Variants in DCHS1 observed in about 807,000 individuals in gnomAD.
The protein encoded by DCHS1 is protocadherin-16.
Under a neutral mutation model 213.9 loss-of-function variants are expected in DCHS1, and 78 were observed. The observed-to-expected ratio is 0.36, with a 90% CI of 0.30 to 0.44. The LOEUF (loss-of-function observed/expected upper bound fraction) is 0.44. Ranked by LOEUF, DCHS1 falls within the 20% of genes least tolerant of loss-of-function variation. The pLI is 1.00. For synonymous variants in DCHS1, 1,828 were observed against 1,873.7 expected (o/e 0.98, Z 0.63); for missense variants, 3,946 against 4,395.9 (o/e 0.90, Z 2.89).
Position 6,625,899 on chromosome 11 carries a change from G to A in DCHS1, c.6731+21C>T. 6.2e-7 allele frequency: 1 copy of A among 1,610,588 alleles called. No individual in the cohort carries two copies. The highest frequency in any genetic ancestry group is 8.5e-7 in the Non-Finnish European group (1 of 1,178,502). On this transcript the variant is annotated intron_variant, in intron 17 of 20. Coordinates refer to ENST00000299441, the MANE Select transcript of DCHS1 (RefSeq NM_003737.4). The surrounding 1 kb of genome is among the most constrained non-coding windows in gnomAD (Gnocchi z 5.3). The stretch of plus-strand genomic sequence containing the variant: ...GGACAGGCCCAAGATGGGGTCTTGG[G>A]TCCACAGGGCCAGGCCTCACCGTGT...
chr11:6,652,703 C>T (rs1856261951), intron 1 of DCHS1, among the ~76,000 whole-genome samples: 3 of 152,150 alleles, frequency 2.0e-5, no homozygotes, highest in Admixed American at 2.0e-4. Context: ...GAAGAGGATG[C>T]AGATAAAATT....
chr11:6,627,547 C>T lies in DCHS1; in HGVS notation c.5492G>A (p.Gly1831Asp), dbSNP rs1224065624. ...CAGCGTGGCACTGAGAGCTGGCTGG[C>T]CTCCATCCCGGGCCTCTATCCTCAG... The part of the protein sequence containing the change: ...FQLRIEARDG[G>D]QPALSATLLL... Residue 1831 changes from glycine (G) to aspartate (D), a missense_variant, in exon 14 of 21, where the codon GGC becomes GAC. By Grantham distance (94) the Gly-to-Asp change is moderately conservative. Coordinates refer to ENST00000299441, the MANE Select transcript of DCHS1 (RefSeq NM_003737.4). The surrounding 1 kb of genome is among the most constrained non-coding windows in gnomAD (Gnocchi z 5.4). The T allele has an allele frequency of 6.2e-7, 1 of 1,612,666 alleles. No individual in the cohort carries two copies. The highest frequency in any genetic ancestry group is 8.5e-7 in the Non-Finnish European group (1 of 1,179,578).
chr11:6,624,403 C>G lies in DCHS1; in HGVS notation c.7286-13G>C, dbSNP rs763897571. On this transcript the variant is annotated splice_polypyrimidine_tract_variant and intron_variant, in intron 20 of 20. Transcript: ENST00000299441. The stretch of plus-strand genomic sequence containing the variant: ...GTGAACAGGGTCCCTGAGATGAGAA[C>G]GGAAGGGAAAGAAATATATTCAGCA... 1 of 1,534,756 alleles carries G rather than the reference C, an allele frequency of 6.5e-7. No individual in the cohort carries two copies. Among genetic ancestry groups the G allele is most frequent in the Admixed American group, 2.0e-5 (1 of 50,904 alleles).
In DCHS1 at chr11:6,621,817, C is replaced by T; in HGVS notation, c.9859G>A (p.Gly3287Ser). The change falls in exon 21 of 21, where the codon GGC (glycine) becomes AGC (serine). Residue 3287 changes from glycine to serine, a missense_variant. Transcript: ENST00000299441. ...PSASALSAES[G>S]LEPPDDTELH... ...TCCGTGTCATCAGGTGGCTCCAGGC[C>T]AGACTCTGCGCTGAGTGCTGAGGCT... is the stretch of plus-strand genomic sequence containing the variant. The T allele has an allele frequency of 6.2e-7, 1 of 1,605,100 alleles. No homozygotes were observed. The highest frequency in any genetic ancestry group is 8.5e-7 in the Non-Finnish European group (1 of 1,176,216).
rs1207363781 is a variant in DCHS1 at position 6,640,899 on chromosome 11, C to T, written c.715G>A (p.Ala239Thr). The T allele has an allele frequency of 8.1e-6, 13 of 1,614,062 alleles. No homozygotes were observed. Among genetic ancestry groups the T allele is most frequent in the Non-Finnish European group, 1.1e-5 (13 of 1,179,894 alleles). The change falls in exon 2 of 21, where the codon GCC becomes ACC. Residue 239 changes from alanine to threonine, a missense_variant. Ala to Thr is a moderately conservative substitution (Grantham distance 58, BLOSUM62 0). Transcript: ENST00000299441. The surrounding 1 kb of genome is among the most constrained non-coding windows in gnomAD (Gnocchi z 6.5). ...DGGSPPRRAQ[A>T]LLDVTLLDIN... ...TCCAGCAGTGTCACGTCCAGCAGGG[C>T]CTGGGCCCTCCGGGGGGGTGAACCA... is the stretch of plus-strand genomic sequence containing the variant.
intron 1 of DCHS1, among the ~76,000 whole-genome samples, chr11:6,646,445 C>A (rs1418708125): frequency 2.6e-5 from 4 of 152,200 alleles, no homozygotes; most frequent in Non-Finnish European, 4.4e-5. Context: ...CCAAGTCCGT[C>A]CAGTGTTTCT....
chr11:6,640,412 A>C lies in DCHS1; in HGVS notation c.1202T>G (p.Val401Gly). ...SDPDDGDFAH[V>G]NVSLEGGEGH... is the part of the protein sequence containing the mutation. ...CTCTCCACCTTCCAGGGACACATTG[A>C]CATGGGCAAAGTCACCATCATCTGG... Residue 401 changes from valine (V) to glycine (G), a missense_variant, in exon 2 of 21, where the codon GTC (valine) becomes GGC (glycine). Around this residue, in one of 3 missense-constraint regions of DCHS1, gnomAD observed 3,384 missense variants for 3,780.1 expected, o/e 0.90. Transcript: ENST00000299441. The surrounding 1 kb of genome is among the most constrained non-coding windows in gnomAD (Gnocchi z 6.5). The C allele has an allele frequency of 1.9e-6, 3 of 1,613,958 alleles. No individual in the cohort carries two copies. Among genetic ancestry groups the C allele is most frequent in the Non-Finnish European group, 2.5e-6 (3 of 1,179,890 alleles).
intron 1 of DCHS1, among the ~76,000 whole-genome samples, chr11:6,653,532 T>C (rs1246395082): frequency 6.6e-6 from 1 of 152,204 alleles, no homozygotes; most frequent in Non-Finnish European, 1.5e-5. Context: ...TTTGATTAAT[T>C]AATCTACTGA....
At chr11:6,624,938 G>C in intron 19 of DCHS1, 70 bp from the exon 20 acceptor site, 2 of 1,591,666 alleles carry the variant, frequency 1.3e-6, no homozygotes, top group Non-Finnish European at 1.7e-6. Flanking sequence ...GCCTGTTCTG[G>C]AGCTTGGTTC....
Position 6,626,007 on chromosome 11 carries a change from G to A in DCHS1, c.6644C>T (p.Pro2215Leu), listed in dbSNP as rs201703764. The A allele has an allele frequency of 4.8e-5, 77 of 1,612,844 alleles. No individual in the cohort carries two copies. In the East Asian group the frequency reaches 9.8e-4, roughly 21 times the overall value. The part of the protein sequence containing the change: ...QISYSLAASQ[P>L]ARGLFHVDPT... ...GTCTACGTGGAACAATCCACGTGCC[G>A]GCTGGGATGCAGCCAGACTGTAGGA... Residue 2215 changes from proline to leucine, a missense_variant, in exon 17 of 21, where the codon CCG becomes CTG. By Grantham distance (98) the Pro-to-Leu change is moderately conservative (BLOSUM62 -3). Coordinates refer to ENST00000299441, the MANE Select transcript of DCHS1 (RefSeq NM_003737.4). The surrounding 1 kb of genome is among the most constrained non-coding windows in gnomAD (Gnocchi z 5.2).
Position 6,632,713 on chromosome 11 carries a change from C to T in DCHS1, c.2799G>A (p.Leu933=), listed in dbSNP as rs1300976883. 1.3e-6 allele frequency: 2 copies of T among 1,598,970 alleles called. No homozygotes were observed. Among genetic ancestry groups the T allele is most frequent in the African/African-American group, 2.7e-5 (2 of 74,630 alleles). ...SGVNSRVTFT[L]LAGGGGAFTV... is the part of the protein sequence containing the mutation. The stretch of plus-strand genomic sequence containing the variant: ...TGAAGGCTCCACCACCCCCAGCAAG[C>T]AGGGTAAAGGTGACTCGACTGTTAA... Residue 933 remains leucine (L), a synonymous_variant, in exon 6 of 21, where the codon CTG becomes CTA. Coordinates refer to ENST00000299441, the MANE Select transcript of DCHS1 (RefSeq NM_003737.4). The surrounding 1 kb of genome is among the most constrained non-coding windows in gnomAD (Gnocchi z 5.9).
rs1855827653 is a variant in DCHS1 at position 6,627,426 on chromosome 11, C to G, written c.5613G>C (p.Gly1871=). ...SVEVPEDVPA[G]TLLLQLQAHD... is the part of the protein sequence containing the mutation. ...GAGCCTGTAGCTGCAGCAGCAGGGT[C>G]CCTGCAGGCACATCCTCCGGCACCT... The change falls in exon 14 of 21, where the codon GGG becomes GGC. Residue 1871 remains glycine (G), a synonymous_variant. Transcript: ENST00000299441. The surrounding 1 kb of genome is among the most constrained non-coding windows in gnomAD (Gnocchi z 5.4). 6.2e-7 allele frequency: 1 copy of G among 1,610,462 alleles called. No homozygotes were observed. The highest frequency in any genetic ancestry group is 8.5e-7 in the Non-Finnish European group (1 of 1,178,536).
chr11:6,632,637 A>T lies in DCHS1; in HGVS notation c.2875T>A (p.Ser959Thr). ...TCCAGCTCATGGGCTGGCCCTCCTG[A>T]GGGCCCCAGAGGCCTCATAAGCCGT... ...HVRLMRPLGP[S>T]GGPAHELELE... Residue 959 changes from serine (S) to threonine (T), a missense_variant, in exon 6 of 21, where the codon TCA (serine) becomes ACA (threonine). Physicochemically the swap from Ser to Thr is moderately conservative, Grantham distance 58. Around this residue, in one of 3 missense-constraint regions of DCHS1, gnomAD observed 3,384 missense variants for 3,780.1 expected, o/e 0.90. Coordinates refer to ENST00000299441, the MANE Select transcript of DCHS1 (RefSeq NM_003737.4). The surrounding 1 kb of genome is among the most constrained non-coding windows in gnomAD (Gnocchi z 5.9). 6.4e-7 allele frequency: 1 copy of T among 1,552,508 alleles called. No individual in the cohort carries two copies. The highest frequency in any genetic ancestry group is 8.7e-7 in the Non-Finnish European group (1 of 1,145,524).
rs1411129773 is a variant in DCHS1, at chr11:6,628,513, A to T, written c.5371+108T>A. The T allele has an allele frequency of 7.9e-7, 1 of 1,260,240 alleles. No individual in the cohort carries two copies. Among genetic ancestry groups the T allele is most frequent in the African/African-American group, 1.5e-5 (1 of 67,552 alleles). 78.1% of individuals were successfully genotyped at this position (1,260,240 alleles called of 1,614,324 possible). ...ATGAAAGAAAAGGTGGACGACATCAAGAGGGAAAAGGAGACCCAGACACAT... is the reference window on the plus strand; with the variant it reads ...ATGAAAGAAAAGGTGGACGACATCATGAGGGAAAAGGAGACCCAGACACAT... On this transcript the variant is annotated intron_variant, in intron 13 of 20. Transcript: ENST00000299441. This position sits in a 1 kb window ranked among gnomAD's most constrained non-coding sequence, Gnocchi z 4.3.
rs1182705636 is a variant in DCHS1, at chr11:6,634,000, T to C, written c.2007A>G (p.Val669=). The C allele has an allele frequency of 1.2e-6, 2 of 1,613,822 alleles. No homozygotes were observed. Among genetic ancestry groups the C allele is most frequent in the African/African-American group, 1.3e-5 (1 of 74,924 alleles). The change falls in exon 4 of 21, where the codon GTA becomes GTG. Residue 669 remains valine, a synonymous_variant. Coordinates refer to ENST00000299441, the MANE Select transcript of DCHS1 (RefSeq NM_003737.4). The part of the protein sequence containing the change: ...AVDGGGLKSM[V]YVKVFLSDEN... ...CGTCTGACAGAAACACCTTCACATATACCATGGACTTGAGGCCTCCCTGGT... is the reference window on the plus strand; with the variant it reads ...CGTCTGACAGAAACACCTTCACATACACCATGGACTTGAGGCCTCCCTGGT...
In DCHS1 at chr11:6,623,598, G is replaced by A. The variant is rs374523305; in HGVS notation, c.8078C>T (p.Thr2693Ile). The change falls in exon 21 of 21, where the codon ACA (threonine) becomes ATA (isoleucine). Residue 2693 changes from threonine (T) to isoleucine (I), a missense_variant. Physicochemically the swap from Thr to Ile is moderately conservative, Grantham distance 89. Transcript: ENST00000299441. ...ATCATTCACATCCTGGACCTCAATT[G>A]TCACTGGTGCCAAAGCAAAGTGTGC... is the stretch of plus-strand genomic sequence containing the variant. ...AGAHFALAPV[T>I]IEVQDVNDHG... The A allele has an allele frequency of 2.0e-5, 32 of 1,613,676 alleles. No individual in the cohort carries two copies. The African/African-American group carries it at 3.3e-4, about 17-fold the overall frequency.
chr11:6,651,571 A>T (rs550049351), intron 1 of DCHS1, among the ~76,000 whole-genome samples: 3 of 152,244 alleles, frequency 2.0e-5, no homozygotes, highest in Non-Finnish European at 4.4e-5. Context: ...TGTTACTCCA[A>T]TGAAAAGAAT....
rs868831318 is a variant in DCHS1, at chr11:6,627,376, C to T, written c.5663G>A (p.Gly1888Asp). The T allele has an allele frequency of 6.2e-7, 1 of 1,607,540 alleles. No individual in the cohort carries two copies. The highest frequency in any genetic ancestry group is 8.5e-7 in the Non-Finnish European group (1 of 1,177,120). Reference protein sequence around the residue: ...QAHDPDAGANGHVTYYLGAGT... With the variant: ...QAHDPDAGANDHVTYYLGAGT... ...GGCGCCCAGGTAGTAGGTCACATGG[C>T]CATTAGCTCCAGCATCAGGGTCATG... The change falls in exon 14 of 21, where the codon GGC becomes GAC. Residue 1888 changes from glycine (G) to aspartate (D), a missense_variant. Coordinates refer to ENST00000299441, the MANE Select transcript of DCHS1 (RefSeq NM_003737.4). This position sits in a 1 kb window ranked among gnomAD's most constrained non-coding sequence, Gnocchi z 5.4.
At chr11:6,638,129 A>T (rs1028414333) in intron 2 of DCHS1, among the ~76,000 whole-genome samples, 3 of 152,220 alleles carry the variant, frequency 2.0e-5, no homozygotes, top group African/African-American at 7.2e-5. Flanking sequence ...GCACAGCAGC[A>T]GGCGAGCAAA....
Sources: gnomAD v4.1 joint callset for allele counts (sites outside exome capture counted in the v4.1 genomes callset) on GRCh38, gnomAD v4.1.1 for gene constraint, gnomAD v4.1.1 regional missense constraint, Gnocchi (gnomAD v3.1) non-coding constraint, MANE v1.5 for transcripts, NCBI Gene and HGNC (gene_info 2026-07-23, HGNC 2026-07-21) for gene names.